Variants in DPF3 observed in about 807,000 individuals in gnomAD.
DPF3 encodes double PHD fingers 3.
In DPF3, 18 loss-of-function variants were observed where a neutral mutation model predicts 56.8. The observed-to-expected ratio is 0.32, with a 90% CI of 0.22 to 0.47. The LOEUF (loss-of-function observed/expected upper bound fraction) is 0.47. Among genes scored for constraint, DPF3 ranks in the 20% least tolerant of loss-of-function variants. The probability of loss-of-function intolerance (pLI) is 1.00; values close to 1 mark genes in which losing one functional copy is unlikely to be tolerated. For missense variants in DPF3, 403 were observed against 488.8 expected (o/e 0.82, Z 1.65); for synonymous variants, 188 against 180.2 (o/e 1.04, Z -0.35).
intron 1 of DPF3, among the ~76,000 whole-genome samples, chr14:72,886,328 C>T (rs147949161): frequency 0.014 from 2,067 of 152,048 alleles, 37 homozygotes; most frequent in African/African-American, 0.045. Flanking sequence ...GCCAAGATCG[C>T]GTCACTGCAC....
intron 3 of DPF3, among the ~76,000 whole-genome samples, chr14:72,750,025 A>G (rs1890501190): frequency 1.3e-5 from 2 of 152,270 alleles, no homozygotes; most frequent in Non-Finnish European, 2.9e-5. Context: ...TGCTTAAGAT[A>G]GTTTGACTTG....
intron 1 of DPF3, among the ~76,000 whole-genome samples, chr14:72,891,610 T>TA (rs940622756): frequency 1.9e-4 from 29 of 152,032 alleles, no homozygotes; most frequent in Non-Finnish European, 2.6e-4. Flanking sequence ...AAGTTATTTT[T>TA]AAAAAAATAA....
At chr14:72,656,661 T>C (rs1886070343) in intron 8 of DPF3, among the ~76,000 whole-genome samples, 1 of 152,238 alleles carries the variant, frequency 6.6e-6, no homozygotes, top group African/African-American at 2.4e-5. Flanking sequence ...AACTAACTTC[T>C]GGGTGACTTC....
intron 1 of DPF3, among the ~76,000 whole-genome samples, chr14:72,866,814 C>G (rs1421605297): frequency 6.6e-6 from 1 of 150,520 alleles, no homozygotes; most frequent in Non-Finnish European, 1.5e-5. Flanking sequence ...GAAGTTTGCA[C>G]CATTGCACTC....
intron 2 of DPF3, among the ~76,000 whole-genome samples, chr14:72,759,791 A>G (rs1890992914): frequency 6.6e-6 from 1 of 152,178 alleles, no homozygotes; most frequent in African/African-American, 2.4e-5. Flanking sequence ...AACCAGAGAA[A>G]GGAAACATGT....
intron 1 of DPF3, among the ~76,000 whole-genome samples, chr14:72,878,026 C>T (rs1226567997): frequency 6.6e-6 from 1 of 152,114 alleles, no homozygotes; most frequent in East Asian, 1.9e-4. Flanking sequence ...TCTGAGTTAA[C>T]GAATATTTTT....
At chr14:72,653,416 G>C (rs568205494) in intron 8 of DPF3, among the ~76,000 whole-genome samples, 2 of 152,340 alleles carry the variant, frequency 1.3e-5, no homozygotes, top group South Asian at 4.1e-4. Context: ...GGAGCCTACC[G>C]ACAAGGTGAG....
At chr14:72,816,424 A>G (rs1236311597) in intron 1 of DPF3, among the ~76,000 whole-genome samples, 1 of 152,116 alleles carries the variant, frequency 6.6e-6, no homozygotes, top group Non-Finnish European at 1.5e-5. Context: ...ACATTCTCCA[A>G]CCCTCAGAAA....
Position 72,618,262 on chromosome 14 carries a change from G to T in DPF3, c.*1035C>A, listed in dbSNP as rs1884211140. On this transcript the variant is annotated 3_prime_UTR_variant, in exon 11 of 11. Transcript: ENST00000556509. ...GTAGACAATAGCGAACAAACACTAC[G>T]TGGAAGGAAGAAATTACTTGGAAAA... 6.6e-6 allele frequency among the ~76,000 whole-genome samples: 1 copy of T among 152,170 alleles called. No homozygotes were observed. The highest frequency in any genetic ancestry group is 2.4e-5 in the African/African-American group (1 of 41,430).
At chr14:72,751,121 T>C (rs1567221016) in intron 3 of DPF3, among the ~76,000 whole-genome samples, 1 of 152,108 alleles carries the variant, frequency 6.6e-6, no homozygotes, top group East Asian at 1.9e-4. Flanking sequence ...AGCTCAGGAG[T>C]TGGAGGCTAT....
At chr14:72,792,505 GC>G (rs1892479358) in intron 1 of DPF3, among the ~76,000 whole-genome samples, 1 of 152,034 alleles carries the variant, frequency 6.6e-6, no homozygotes, top group Non-Finnish European at 1.5e-5. Context: ...ACACTCTCTT[GC>G]ACACACACAC....
intron 1 of DPF3, among the ~76,000 whole-genome samples, chr14:72,807,498 T>C (rs1015317838): frequency 2.0e-5 from 3 of 151,826 alleles, no homozygotes; most frequent in African/African-American, 7.3e-5. Context: ...CAGAGGGCCC[T>C]TTGACAACAC....
Position 72,756,200 on chromosome 14 carries a change from C to A in DPF3, c.194-2829G>T, listed in dbSNP as rs537834681. Among the ~76,000 whole-genome samples the A allele has an allele frequency of 2.1e-4, 32 of 152,306 alleles. 1 individual carries two copies. In the South Asian group the frequency reaches 6.4e-3, roughly 31 times the overall value. Reference sequence around the variant, plus strand: ...CCACTGCCACCCCTCACTTCACATACCCCACTGAGCAAACTACTTTTCTGT... The same window carrying A: ...CCACTGCCACCCCTCACTTCACATAACCCACTGAGCAAACTACTTTTCTGT... On this transcript the variant is annotated intron_variant, in intron 2 of 10. Coordinates refer to ENST00000556509, the MANE Select transcript of DPF3 (RefSeq NM_001280542.3).
chr14:72,612,383 T>C lies in DPF3; in HGVS notation c.*6914A>G. 2.0e-6 allele frequency: 1 copy of C among 489,964 alleles called. No homozygotes were observed. Among genetic ancestry groups the C allele is most frequent in the Admixed American group, 2.0e-5 (1 of 48,998 alleles). 30.4% of individuals were successfully genotyped at this position (489,964 alleles called of 1,614,324 possible). Reference sequence around the variant, plus strand: ...CACCTCCTCTGCTCTGAGATAATCATTCTATATTTTCATGCTCTTGCTCAC... The same window carrying C: ...CACCTCCTCTGCTCTGAGATAATCACTCTATATTTTCATGCTCTTGCTCAC... On this transcript the variant is annotated 3_prime_UTR_variant, in exon 11 of 11. Coordinates refer to ENST00000556509, the MANE Select transcript of DPF3 (RefSeq NM_001280542.3).
chr14:72,808,589 A>C (rs1273482350), intron 1 of DPF3, among the ~76,000 whole-genome samples: 1 of 152,208 alleles, frequency 6.6e-6, no homozygotes, highest in African/African-American at 2.4e-5. Context: ...TAGTGTGTGA[A>C]AATAGTTCGC....
At chr14:72,703,690 TA>T (rs1316804143) in intron 6 of DPF3, among the ~76,000 whole-genome samples, 1 of 152,158 alleles carries the variant, frequency 6.6e-6, no homozygotes, top group Non-Finnish European at 1.5e-5. Flanking sequence ...TCCTCGTCTG[TA>T]AAACAAGGGC....
chr14:72,735,329 A>T lies in DPF3; in HGVS notation c.302-3395T>A, dbSNP rs149573658. On this transcript the variant is annotated intron_variant, in intron 3 of 10. Coordinates refer to ENST00000556509, the MANE Select transcript of DPF3 (RefSeq NM_001280542.3). Reference sequence around the variant, plus strand: ...CACCATTCTGCGACAGTATCTACCCACTATAGAATGTTCCATCAATAGTGA... The same window carrying T: ...CACCATTCTGCGACAGTATCTACCCTCTATAGAATGTTCCATCAATAGTGA... Among the ~76,000 whole-genome samples, 21 of 152,104 alleles carry T rather than the reference A, an allele frequency of 1.4e-4. No homozygotes were observed. In the East Asian group the frequency reaches 4.1e-3, roughly 29 times the overall value.
At chr14:72,688,575 T>C (rs188625926) in intron 7 of DPF3, among the ~76,000 whole-genome samples, 1 of 152,358 alleles carries the variant, frequency 6.6e-6, no homozygotes, top group Admixed American at 6.5e-5. Flanking sequence ...TCTGCTACTC[T>C]ACCCCACTGG....
intron 3 of DPF3, among the ~76,000 whole-genome samples, chr14:72,736,304 T>C (rs571582127): frequency 6.6e-6 from 1 of 152,340 alleles, no homozygotes; most frequent in Non-Finnish European, 1.5e-5. Flanking sequence ...AGAGCGTATC[T>C]CAATTCAGAC....
Sources: allele counts gnomAD v4.1 joint callset (sites outside exome capture counted in the v4.1 genomes callset), GRCh38; gene constraint gnomAD v4.1.1; transcripts MANE v1.5; gene names NCBI Gene and HGNC (gene_info 2026-07-23, HGNC 2026-07-21).